Variants in MRLN observed in about 807,000 individuals in gnomAD.
MRLN encodes Linc-RNA activator of myogenesis.
intron 1 of MRLN, among the ~76,000 whole-genome samples, chr10:59,746,950 C>T (rs1841050020): frequency 6.6e-6 from 1 of 152,144 alleles, no homozygotes; most frequent in Admixed American, 6.5e-5. Flanking sequence ...CAGGCATGCA[C>T]CACCACGTCT....
intron 1 of MRLN, among the ~76,000 whole-genome samples, chr10:59,747,411 T>A (rs1252099386): frequency 1.3e-5 from 2 of 152,224 alleles, no homozygotes; most frequent in African/African-American, 4.8e-5. Context: ...ACCTGCTTCT[T>A]AGGGTAGCCT....
chr10:59,744,953 C>T (rs186785183), intron 1 of MRLN: 31 of 182,222 alleles, frequency 1.7e-4, no homozygotes, highest in Admixed American at 1.7e-3. Flanking sequence ...TCTCAAATAC[C>T]CAGGGACACA....
intron 1 of MRLN, among the ~76,000 whole-genome samples, chr10:59,748,090 TG>T (rs1286079306): frequency 2.1e-5 from 3 of 143,016 alleles, no homozygotes; most frequent in Non-Finnish European, 4.7e-5. Context: ...CTTTTTCTTT[TG>T]TTTTTTTTTT....
intron 1 of MRLN, among the ~76,000 whole-genome samples, chr10:59,751,404 A>C (rs1199964718): frequency 1.3e-5 from 2 of 152,052 alleles, no homozygotes; most frequent in African/African-American, 4.8e-5. Context: ...GCTCACACCT[A>C]TAATTCCAGC....
intron 1 of MRLN, among the ~76,000 whole-genome samples, chr10:59,752,316 AAAG>A (rs1564728160): frequency 6.6e-6 from 1 of 152,258 alleles, no homozygotes; most frequent in South Asian, 2.1e-4. Flanking sequence ...GGAAAAATTC[AAAG>A]AAGGAATTTA....
At chr10:59,742,305 A>G (rs1840992113) in intron 1 of MRLN, among the ~76,000 whole-genome samples, 1 of 152,244 alleles carries the variant, frequency 6.6e-6, no homozygotes, top group Non-Finnish European at 1.5e-5. Context: ...GAATTTTAAA[A>G]TACAAAAACA....
intron 1 of MRLN, among the ~76,000 whole-genome samples, chr10:59,740,697 T>G (rs567511772): frequency 6.6e-6 from 1 of 152,070 alleles, no homozygotes; most frequent in South Asian, 2.1e-4. Context: ...TATGAAAGAG[T>G]CAAAACATTA....
intron 1 of MRLN, among the ~76,000 whole-genome samples, chr10:59,748,442 C>T (rs1564727230): frequency 1.3e-5 from 2 of 152,106 alleles, no homozygotes; most frequent in South Asian, 2.1e-4. Context: ...ATGACATGAA[C>T]ATTATATCAT....
At chr10:59,738,340 G>C (rs1327577155) in intron 2 of MRLN, 119 bp downstream of exon 2, 2 of 152,132 alleles carry the variant, frequency 1.3e-5, no homozygotes, top group Non-Finnish European at 2.9e-5. Context: ...TCAGTCTGTG[G>C]CTCCCAGGGG....
At chr10:59,745,933 C>CA (rs1207617411) in intron 1 of MRLN, among the ~76,000 whole-genome samples, 1 of 152,032 alleles carries the variant, frequency 6.6e-6, no homozygotes, top group Non-Finnish European at 1.5e-5. Context: ...CAAACAACAA[C>CA]AAAAAAATCC....
At chr10:59,740,807 T>TC (rs200696761) in intron 1 of MRLN, among the ~76,000 whole-genome samples, 8 of 149,176 alleles carry the variant, frequency 5.4e-5, no homozygotes, top group African/African-American at 1.3e-4. Context: ...TTTCTTTCTT[T>TC]TTTTTTTGAG....
chr10:59,750,967 T>C (rs1228139079), intron 1 of MRLN, among the ~76,000 whole-genome samples: 3 of 152,162 alleles, frequency 2.0e-5, no homozygotes, highest in East Asian at 1.9e-4. Context: ...CCATTTGGAG[T>C]TGGTGAATGG....
rs118032365 is a variant in MRLN, at chr10:59,748,595, A to C, written c.-125+4759T>G. On this transcript the variant is annotated intron_variant, in intron 1 of 2. Coordinates refer to ENST00000414264, the MANE Select transcript of MRLN (RefSeq NM_001304731.2). ...CCAGCTAAGAAAAACAATAAGGGGGAAAGACTGGAAATACTAACGAAATGT... is the reference window on the plus strand; with the variant it reads ...CCAGCTAAGAAAAACAATAAGGGGGCAAGACTGGAAATACTAACGAAATGT... Among the ~76,000 whole-genome samples the C allele has an allele frequency of 4.0e-3, 612 of 152,294 alleles. 22 individuals are homozygous for C. Among genetic ancestry groups the C allele is most frequent in the East Asian group, 0.031 (159 of 5,186 alleles).
intron 1 of MRLN, chr10:59,738,844 G>A (rs958414766): frequency 2.6e-5 from 4 of 152,116 alleles, no homozygotes; most frequent in Non-Finnish European, 4.4e-5. Flanking sequence ...ATTCCCGACC[G>A]GGCACGGTGG....
rs560981495 is a variant in MRLN at position 59,748,283 on chromosome 10, T to C, written c.-125+5071A>G. ...TTTGGGAAAATTTGGGCATATGCAA[T>C]GGTAAATGGATTTTTTGTGTTCTGT... On this transcript the variant is annotated intron_variant, in intron 1 of 2. Transcript: ENST00000414264. Among the ~76,000 whole-genome samples the C allele has an allele frequency of 1.2e-4, 18 of 152,264 alleles. No homozygotes were observed. In the South Asian group the frequency reaches 3.7e-3, roughly 32 times the overall value.
intron 1 of MRLN, among the ~76,000 whole-genome samples, chr10:59,743,800 G>A (rs1179242267): frequency 2.0e-5 from 3 of 152,172 alleles, no homozygotes; most frequent in Non-Finnish European, 4.4e-5. Context: ...GAGTGCCTGG[G>A]ATTGCAGGTG....
At chr10:59,741,839 T>C (rs1184585590) in intron 1 of MRLN, among the ~76,000 whole-genome samples, 1 of 152,112 alleles carries the variant, frequency 6.6e-6, no homozygotes, top group Non-Finnish European at 1.5e-5. Flanking sequence ...CCGCCTTGCC[T>C]GGCTAATTTT....
intron 1 of MRLN, among the ~76,000 whole-genome samples, chr10:59,745,704 G>A (rs1045260542): frequency 2.0e-4 from 30 of 152,166 alleles, no homozygotes; most frequent in African/African-American, 6.7e-4. Context: ...TTGCTTATTA[G>A]ATAGTTGAGG....
rs539605679 is a variant in MRLN at position 59,752,910 on chromosome 10, C to T, written c.-125+444G>A. On this transcript the variant is annotated intron_variant, in intron 1 of 2. Transcript: ENST00000414264. ...ACAAGGGGGAAAAAAACAAAAGTGC[C>T]CAGGTCTCTTGTCCAACTACTCCTC... 2.0e-5 allele frequency among the ~76,000 whole-genome samples: 3 copies of T among 152,218 alleles called. No individual in the cohort carries two copies. In the South Asian group the frequency reaches 6.2e-4, roughly 32 times the overall value.
Sources: allele counts gnomAD v4.1 joint callset (sites outside exome capture counted in the v4.1 genomes callset), GRCh38; gene constraint gnomAD v4.1.1; transcripts MANE v1.5; gene names NCBI Gene and HGNC (gene_info 2026-07-23, HGNC 2026-07-21).